Variants in CAPN13 observed in about 807,000 individuals in gnomAD.
CAPN13 encodes calpain-13.
In CAPN13, 90 loss-of-function variants were observed where a neutral mutation model predicts 98.4. The ratio of observed to expected loss-of-function variants is 0.92; its 90% CI spans 0.77 to 1.09. The LOEUF (loss-of-function observed/expected upper bound fraction) is 1.09, where lower values mean the gene tolerates loss of function less well. Ranked by LOEUF, CAPN13 falls within the 50% of genes least tolerant of loss-of-function variation. The probability of loss-of-function intolerance (pLI) is 0.00; values close to 1 mark genes in which losing one functional copy is unlikely to be tolerated. For synonymous variants in CAPN13, 330 were observed against 305.5 expected (o/e 1.08, Z -0.84); for missense variants, 887 against 841.3 (o/e 1.05, Z -0.67).
rs917901135 is a variant in CAPN13 at position 30,793,292 on chromosome 2, T to TA, written c.-32-5936dup. 6.6e-5 allele frequency among the ~76,000 whole-genome samples: 10 copies of TA among 151,532 alleles called. No homozygotes were observed. In the East Asian group the frequency reaches 1.2e-3, roughly 18 times the overall value. Reference sequence around the variant, plus strand: ...AGGTCACAAGATACAAGGTTAATATTAAAAAATTATATTATTATATAATAG... The same window carrying TA: ...AGGTCACAAGATACAAGGTTAATATTAAAAAAATTATATTATTATATAATAG... On this transcript the variant is annotated intron_variant, in intron 1 of 22. Transcript: ENST00000295055.
chr2:30,761,899 G>C (rs1672869119), intron 7 of CAPN13, among the ~76,000 whole-genome samples: 1 of 152,186 alleles, frequency 6.6e-6, no homozygotes, highest in African/African-American at 2.4e-5. Flanking sequence ...GGAGAGGCCA[G>C]GCAAGTATGA....
chr2:30,774,004 A>G (rs13382510), intron 4 of CAPN13, among the ~76,000 whole-genome samples: 1,664 of 149,108 alleles, frequency 0.011, 37 homozygotes, highest in African/African-American at 0.04. Context: ...TATATTCTCC[A>G]ATTATAATAA....
chr2:30,794,097 A>G (rs1674733555), intron 1 of CAPN13, among the ~76,000 whole-genome samples: 2 of 151,852 alleles, frequency 1.3e-5, no homozygotes, highest in African/African-American at 4.8e-5. Context: ...AAAAGACACC[A>G]TTAAAAAAAC....
chr2:30,753,886 C>A (rs1672302282), intron 9 of CAPN13, among the ~76,000 whole-genome samples: 2 of 152,090 alleles, frequency 1.3e-5, no homozygotes, highest in African/African-American at 4.8e-5. Context: ...TCACCCAGAG[C>A]TATAGAGTCT....
intron 1 of CAPN13, among the ~76,000 whole-genome samples, chr2:30,803,943 C>G (rs1437375136): frequency 6.6e-6 from 1 of 152,136 alleles, no homozygotes; most frequent in Non-Finnish European, 1.5e-5. Context: ...CTGGTTGTTT[C>G]CCGGGAGAAT....
At chr2:30,769,297 T>G (rs573730489) in intron 5 of CAPN13, among the ~76,000 whole-genome samples, 60 of 152,138 alleles carry the variant, frequency 3.9e-4, no homozygotes, top group African/African-American at 1.4e-3. Flanking sequence ...CGGGTTGTCC[T>G]TCAGAAGGCT....
chr2:30,744,436 C>T (rs1311937154), intron 12 of CAPN13, among the ~76,000 whole-genome samples: 3 of 152,184 alleles, frequency 2.0e-5, no homozygotes, highest in African/African-American at 7.2e-5. Context: ...GCCTGACTTG[C>T]TTGGGCCCTT....
At position 30,724,494 on chromosome 2, in the gene CAPN13, CCTGTCT is replaced by C. The variant is rs1670791325; in HGVS notation, c.*31-1264_*31-1259del. Among the ~76,000 whole-genome samples the C allele has an allele frequency of 2.0e-5, 3 of 152,336 alleles. No homozygotes were observed. In the South Asian group the frequency reaches 6.2e-4, roughly 32 times the overall value. On this transcript the variant is annotated intron_variant, in intron 22 of 22. Transcript: ENST00000295055. ...TGCATAGCGCTGGTCCTTGGACTTC[CCTGTCT>C]CTGTCTAGTGTTGGATCTTCTGTTT...
intron 1 of CAPN13, among the ~76,000 whole-genome samples, chr2:30,796,085 T>A (rs1674841749): frequency 6.6e-6 from 1 of 150,634 alleles, no homozygotes; most frequent in South Asian, 2.1e-4. Context: ...TCCCTTTTCC[T>A]TTCTTCCCCA....
chr2:30,792,847 AAAG>A (rs549212773), intron 1 of CAPN13, among the ~76,000 whole-genome samples: 195 of 152,112 alleles, frequency 1.3e-3, no homozygotes, highest in Admixed American at 7.0e-3. Flanking sequence ...AATGTAAAAA[AAAG>A]AAGAAGAAGA....
At chr2:30,787,099 C>G in intron 2 of CAPN13, 29 bp downstream of exon 2, 1 of 1,506,398 alleles carries the variant, frequency 6.6e-7, no homozygotes, top group Non-Finnish European at 8.9e-7. Context: ...GACCCTGGAG[C>G]TGGGTATGCT....
At chr2:30,728,932 T>A (rs1320423638) in intron 22 of CAPN13, among the ~76,000 whole-genome samples, 1 of 152,162 alleles carries the variant, frequency 6.6e-6, no homozygotes, top group Non-Finnish European at 1.5e-5. Flanking sequence ...GAAATTTGGT[T>A]GCAATGAGAG....
chr2:30,767,052 C>T (rs1484672903), intron 5 of CAPN13, among the ~76,000 whole-genome samples: 2 of 152,202 alleles, frequency 1.3e-5, no homozygotes, highest in African/African-American at 4.8e-5. Flanking sequence ...AGTCATTTTC[C>T]TGTAGGACTG....
intron 19 of CAPN13, among the ~76,000 whole-genome samples, chr2:30,732,799 T>C (rs934387770): frequency 8.5e-5 from 13 of 152,194 alleles, no homozygotes; most frequent in African/African-American, 2.4e-4. Context: ...GCTCTGGAGA[T>C]ACATTGGCCT....
intron 22 of CAPN13, among the ~76,000 whole-genome samples, chr2:30,728,894 A>G (rs1290262168): frequency 6.6e-6 from 1 of 152,198 alleles, no homozygotes; most frequent in Non-Finnish European, 1.5e-5. Flanking sequence ...GTGGGAAGTG[A>G]GAATATGTAG....
rs2148073090 is a variant in CAPN13 at position 30,787,061 on chromosome 2, TG to T, written c.198+66del. On this transcript the variant is annotated intron_variant, in intron 2 of 22. Coordinates refer to ENST00000295055, the MANE Select transcript of CAPN13 (RefSeq NM_144575.3). ...TGGTTTGGCTCCACCTCCTTTTGGC[TG>T]GAGGTGCCATGGCAGGCGACTCCGA... The T allele has an allele frequency of 2.3e-6, 3 of 1,297,150 alleles. No individual in the cohort carries two copies. In the East Asian group the frequency reaches 7.6e-5, roughly 33 times the overall value. 80.4% of individuals were successfully genotyped at this position (1,297,150 alleles called of 1,614,324 possible).
intron 18 of CAPN13, among the ~76,000 whole-genome samples, chr2:30,735,712 C>T (rs1671328495): frequency 6.6e-6 from 1 of 152,186 alleles, no homozygotes; most frequent in African/African-American, 2.4e-5. Flanking sequence ...AATAGCCACA[C>T]AGGAACACTT....
intron 11 of CAPN13, among the ~76,000 whole-genome samples, chr2:30,749,398 G>T (rs981755032): frequency 6.6e-6 from 1 of 152,180 alleles, no homozygotes; most frequent in African/African-American, 2.4e-5. Flanking sequence ...TTCTCTCACT[G>T]TGAGGCCCTC....
At chr2:30,789,725 A>G (rs1277753221) in intron 1 of CAPN13, among the ~76,000 whole-genome samples, 2 of 152,224 alleles carry the variant, frequency 1.3e-5, no homozygotes, top group African/African-American at 2.4e-5. Context: ...CAGCACAGTG[A>G]CTGGTAAGTA....
Sources: allele counts gnomAD v4.1 joint callset (sites outside exome capture counted in the v4.1 genomes callset), GRCh38; gene constraint gnomAD v4.1.1; transcripts MANE v1.5; gene names NCBI Gene and HGNC (gene_info 2026-07-23, HGNC 2026-07-21).